The following DEPDC5 variants were observed in gnomAD, a reference collection of about 807,000 sequenced individuals.
The protein encoded by DEPDC5 is GATOR1 complex protein DEPDC5.
In DEPDC5, 73 loss-of-function variants were observed where a neutral mutation model predicts 217.3. That is an observed-to-expected ratio of 0.34 (90% CI 0.28 to 0.41). The LOEUF is 0.41. Ranked by LOEUF, DEPDC5 falls within the 10% of genes least tolerant of loss-of-function variation. DEPDC5 has a pLI of 1.00. For synonymous variants in DEPDC5, 733 were observed against 756.7 expected, an observed-to-expected ratio of 0.97 and a Z score of 0.51; for missense variants, 1,675 against 2,070.1, an observed-to-expected ratio of 0.81 and a Z score of 3.70.
intron 15 of DEPDC5, among the ~76,000 whole-genome samples, chr22:31,803,098 T>G (rs568631929): frequency 2.2e-4 from 33 of 152,282 alleles, no homozygotes; most frequent in African/African-American, 7.5e-4. Context: ...TGTAGGTTGT[T>G]TTTCTCTAAA....
At chr22:31,809,505 C>A in intron 18 of DEPDC5, 106 bp from the exon 19 acceptor site, 2 of 1,217,642 alleles carry the variant, frequency 1.6e-6, no homozygotes, top group South Asian at 2.5e-5. Context: ...GCCTTTCTGT[C>A]AGTTACAGGC....
At chr22:31,821,902 G>A (rs957527228) in intron 23 of DEPDC5, among the ~76,000 whole-genome samples, 6 of 152,178 alleles carry the variant, frequency 3.9e-5, no homozygotes, top group Non-Finnish European at 5.9e-5. Context: ...AACCTCAAAC[G>A]TGGGTTTTTC....
chr22:31,906,142 A>G lies in DEPDC5; in HGVS notation c.4520-63A>G. On this transcript the variant is annotated intron_variant, in intron 42 of 42. Coordinates refer to ENST00000651528, the MANE Select transcript of DEPDC5 (RefSeq NM_001242896.3). The surrounding 1 kb of genome is among the most constrained non-coding windows in gnomAD (Gnocchi z 5.1). Reference sequence around the variant, plus strand: ...GCACCAAGCCTATGGCTGCAGAACCACCTCAGCAGGCTCCAGGAGCCCTCC... The same window carrying G: ...GCACCAAGCCTATGGCTGCAGAACCGCCTCAGCAGGCTCCAGGAGCCCTCC... 1 of 1,612,906 alleles carries G rather than the reference A, an allele frequency of 6.2e-7. No homozygotes were observed. Among genetic ancestry groups the G allele is most frequent in the Non-Finnish European group, 8.5e-7 (1 of 1,179,338 alleles).
At position 31,893,628 on chromosome 22, in the gene DEPDC5, G is replaced by A; in HGVS notation, c.4080G>A (p.Val1360=). Residue 1360 remains valine, a synonymous_variant, in exon 39 of 43, where the codon GTG becomes GTA. Coordinates refer to ENST00000651528, the MANE Select transcript of DEPDC5 (RefSeq NM_001242896.3). ...EQRTVTLDVD[V]NNRTDRLEWC... is the part of the protein sequence containing the mutation. ...GGACTGTGACCCTGGATGTTGACGT[G>A]AACAACCGCACAGACCGGCTGGAGT... 1 of 1,612,742 alleles carries A rather than the reference G, an allele frequency of 6.2e-7. No individual in the cohort carries two copies. The highest frequency in any genetic ancestry group is 8.5e-7 in the Non-Finnish European group (1 of 1,179,506).
intron 20 of DEPDC5, among the ~76,000 whole-genome samples, chr22:31,811,229 C>T (rs1163212715): frequency 6.6e-6 from 1 of 152,158 alleles, no homozygotes; most frequent in Non-Finnish European, 1.5e-5. Context: ...GCCACCACGT[C>T]CAGCTAATAT....
rs147165186 is a variant in DEPDC5 at position 31,849,073 on chromosome 22, T to C, written c.3155+2106T>C. Among the ~76,000 whole-genome samples the C allele has an allele frequency of 2.2e-3, 332 of 152,328 alleles. 3 individuals are homozygous for C. Among genetic ancestry groups the C allele is most frequent in the African/African-American group, 7.4e-3 (307 of 41,576 alleles). ...TGGTCAAAGCCATTCAACAAGTCTC[T>C]AGGAAGTGCCAAACTTTCCCACATC... On this transcript the variant is annotated intron_variant, in intron 31 of 42. Coordinates refer to ENST00000651528, the MANE Select transcript of DEPDC5 (RefSeq NM_001242896.3).
chr22:31,813,385 T>C (rs2088665744), intron 20 of DEPDC5, among the ~76,000 whole-genome samples: 1 of 152,226 alleles, frequency 6.6e-6, no homozygotes, highest in African/African-American at 2.4e-5. Context: ...TGTGTCTTAA[T>C]TGGTGCTACC....
intron 3 of DEPDC5, 82 bp from the exon 4 acceptor site, chr22:31,760,574 T>G: frequency 8.3e-7 from 1 of 1,208,174 alleles, no homozygotes; most frequent in Admixed American, 2.0e-5. Flanking sequence ...CAGAGTGACC[T>G]ATTTGCCTTT....
chr22:31,818,436 A>G (rs1433628841), intron 21 of DEPDC5, among the ~76,000 whole-genome samples: 1 of 152,142 alleles, frequency 6.6e-6, no homozygotes, highest in East Asian at 1.9e-4. Flanking sequence ...CCACAAAGGG[A>G]AAAAGAATGC....
chr22:31,835,341 T>C (rs1403953884), intron 25 of DEPDC5, among the ~76,000 whole-genome samples: 1 of 152,194 alleles, frequency 6.6e-6, no homozygotes, highest in African/African-American at 2.4e-5. Flanking sequence ...TTAGTGGTTC[T>C]GAGGTGTAGA....
intron 38 of DEPDC5, chr22:31,890,901 A>G (rs915036926): frequency 1.9e-5 from 3 of 157,176 alleles, no homozygotes; most frequent in African/African-American, 7.3e-5. Flanking sequence ...AATTTTTTGT[A>G]TTTTTATTAG....
chr22:31,783,367 G>T (rs754245918), intron 8 of DEPDC5, among the ~76,000 whole-genome samples: 1 of 152,120 alleles, frequency 6.6e-6, no homozygotes, highest in Non-Finnish European at 1.5e-5. Context: ...ATGAAGGTCC[G>T]CAGCTTCATT....
intron 33 of DEPDC5, among the ~76,000 whole-genome samples, chr22:31,861,865 T>C (rs1180006751): frequency 6.6e-6 from 1 of 152,230 alleles, no homozygotes; most frequent in Non-Finnish European, 1.5e-5. Context: ...AAATATTTAT[T>C]CATAGGCATG....
intron 30 of DEPDC5, among the ~76,000 whole-genome samples, chr22:31,845,920 G>A (rs1354498832): frequency 2.0e-5 from 3 of 151,406 alleles, no homozygotes; most frequent in African/African-American, 7.3e-5. Flanking sequence ...GAGTGTGGTG[G>A]CATGATCATG....
intron 6 of DEPDC5, 65 bp from the exon 7 acceptor site, chr22:31,768,749 T>A: frequency 7.3e-7 from 1 of 1,361,868 alleles, no homozygotes; most frequent in South Asian, 1.2e-5. Flanking sequence ...TTAATCAATC[T>A]CTCTCTCTTT....
At chr22:31,787,539 G>T (rs192174036) in intron 10 of DEPDC5, among the ~76,000 whole-genome samples, 1 of 152,278 alleles carries the variant, frequency 6.6e-6, no homozygotes, top group East Asian at 1.9e-4. Context: ...AGACCTGCTG[G>T]CTCACACCTT....
rs879152525 is a variant in DEPDC5, at chr22:31,804,303, G to T, written c.1143+80G>T. 5.0e-5 allele frequency: 68 copies of T among 1,366,114 alleles called. 1 individual carries two copies. The South Asian group carries it at 7.9e-4, about 16-fold the overall frequency. 84.6% of individuals were successfully genotyped at this position (1,366,114 alleles called of 1,614,324 possible). A position where few individuals can be genotyped will look rare whatever the true frequency, so the allele number is the denominator to read the frequency against. On this transcript the variant is annotated intron_variant, in intron 16 of 42. Coordinates refer to ENST00000651528, the MANE Select transcript of DEPDC5 (RefSeq NM_001242896.3). ...AGAAAAATTCCAGGCGCTGTGGCAT[G>T]CACTTATAGTCCCACTTACTCGAGA...
At chr22:31,794,955 CA>C (rs2086074221) in intron 12 of DEPDC5, among the ~76,000 whole-genome samples, 1 of 151,932 alleles carries the variant, frequency 6.6e-6, no homozygotes, top group Non-Finnish European at 1.5e-5. Flanking sequence ...AAAGCACACT[CA>C]ATTCCATCTA....
intron 37 of DEPDC5, among the ~76,000 whole-genome samples, chr22:31,878,410 T>G (rs1376367695): frequency 6.6e-6 from 1 of 152,108 alleles, no homozygotes; most frequent in Non-Finnish European, 1.5e-5. Flanking sequence ...GGTATGAAAC[T>G]GATCATAAGG....
Sources: allele counts gnomAD v4.1 joint callset (sites outside exome capture counted in the v4.1 genomes callset), GRCh38; gene constraint gnomAD v4.1.1; non-coding constraint Gnocchi (gnomAD v3.1); transcripts MANE v1.5; gene names NCBI Gene and HGNC (gene_info 2026-07-23, HGNC 2026-07-21).